The following RNF38 variants were observed in gnomAD, a reference collection of about 807,000 sequenced individuals.
RNF38 encodes the protein ring finger protein 38.
A neutral mutation model predicts 67.2 loss-of-function variants in RNF38; 15 were observed. That is an observed-to-expected ratio of 0.22 (90% CI 0.15 to 0.34). RNF38 has a LOEUF of 0.34. Ranked by LOEUF, RNF38 falls within the 10% of genes least tolerant of loss-of-function variation. The pLI, the probability that RNF38 is intolerant of heterozygous loss-of-function variation, is 1.00. For synonymous variants in RNF38, 220 were observed against 218.8 expected (o/e 1.01, Z -0.05); for missense variants, 524 against 639.9 (o/e 0.82, Z 1.95).
At chr9:36,409,877 A>G (rs1018902196) in intron 2 of RNF38, among the ~76,000 whole-genome samples, 1 of 152,240 alleles carries the variant, frequency 6.6e-6, no homozygotes, top group Admixed American at 6.5e-5. Flanking sequence ...ACAAATCATA[A>G]TATTAAGTAA....
rs181739584 is a variant in RNF38, at chr9:36,439,344, G to A, written n.242-14661C>T. Among the ~76,000 whole-genome samples the A allele has an allele frequency of 6.5e-3, 996 of 152,176 alleles. 6 individuals are homozygous for A. Among genetic ancestry groups the A allele is most frequent in the Non-Finnish European group, 0.01 (714 of 68,004 alleles). On this transcript the variant is annotated intron_variant and non_coding_transcript_variant, in intron 1 of 3. Coordinates refer to the RNF38 transcript ENST00000488058. Reference sequence around the variant, plus strand: ...AGTTTTAATCCTTGTCCTTCTATTCGTTAGCTGTGAAACCTTAGATCTTGA... The same window carrying A: ...AGTTTTAATCCTTGTCCTTCTATTCATTAGCTGTGAAACCTTAGATCTTGA...
chr9:36,458,659 G>A (rs1322295260), intron 1 of RNF38, among the ~76,000 whole-genome samples: 9 of 151,650 alleles, frequency 5.9e-5, no homozygotes, highest in South Asian at 4.2e-4. Context: ...AGGAAGTTCC[G>A]GACACATCTG....
At chr9:36,385,409 G>A (rs981772803) in intron 2 of RNF38, among the ~76,000 whole-genome samples, 6 of 142,612 alleles carry the variant, frequency 4.2e-5, no homozygotes, top group East Asian at 2.1e-4. Flanking sequence ...AGACAGTTTC[G>A]CTCTTGTCAT....
intron 1 of RNF38, among the ~76,000 whole-genome samples, chr9:36,469,843 T>G (rs568665326): frequency 1.3e-5 from 2 of 152,136 alleles, no homozygotes; most frequent in East Asian, 3.9e-4. Flanking sequence ...CCGGGAGTAG[T>G]GGCACCCACC....
At chr9:36,408,428 A>G (rs1389398698) in intron 2 of RNF38, among the ~76,000 whole-genome samples, 1 of 152,178 alleles carries the variant, frequency 6.6e-6, no homozygotes, top group African/African-American at 2.4e-5. Context: ...AGCCCTATGG[A>G]CAGCAGTACG....
intron 2 of RNF38, among the ~76,000 whole-genome samples, chr9:36,406,275 A>G (rs1692026697): frequency 6.6e-6 from 1 of 152,260 alleles, no homozygotes; most frequent in South Asian, 2.1e-4. Flanking sequence ...CAAATGCTGA[A>G]GAACCATTCA....
At chr9:36,434,036 G>A (rs1007087958) in intron 1 of RNF38, among the ~76,000 whole-genome samples, 2 of 151,674 alleles carry the variant, frequency 1.3e-5, no homozygotes, top group Non-Finnish European at 1.5e-5. Flanking sequence ...AGGAGATGGA[G>A]ACCATCCTAG....
At position 36,353,075 on chromosome 9, in the gene RNF38, T is replaced by C; in HGVS notation, c.1071+95A>G. On this transcript the variant is annotated intron_variant, in intron 7 of 11. Transcript: ENST00000259605. ...CCAACTGAATGCTGTCGAGAATACA[T>C]ATAATTCTAAATATGGTGAATTATA... The C allele has an allele frequency of 3.5e-6, 4 of 1,134,912 alleles. 1 individual carries two copies. The South Asian group carries it at 4.0e-5, about 11-fold the overall frequency. The allele number at this position is 1,134,912 out of a possible 1,614,324, so 70.3% of individuals were successfully genotyped here. A position where few individuals can be genotyped will look rare whatever the true frequency, so the allele number is the denominator to read the frequency against.
upstream of RNF38, among the ~76,000 whole-genome samples, chr9:36,403,898 T>C (rs183562827): frequency 2.0e-5 from 3 of 152,362 alleles, no homozygotes; most frequent in Admixed American, 2.0e-4. Context: ...TTTTTCTCTT[T>C]ATTGGATTAT....
At chr9:36,450,232 CA>C (rs1177389233) in intron 1 of RNF38, among the ~76,000 whole-genome samples, 4 of 152,210 alleles carry the variant, frequency 2.6e-5, no homozygotes, top group Admixed American at 2.0e-4. Context: ...ACCCTGTACC[CA>C]GTAAGCAGTA....
intron 1 of RNF38, among the ~76,000 whole-genome samples, chr9:36,468,671 G>A (rs1367841435): frequency 1.3e-5 from 2 of 152,026 alleles, no homozygotes; most frequent in African/African-American, 2.4e-5. Flanking sequence ...AATTAGCCAG[G>A]TGTGGTGGCG....
intron 1 of RNF38, among the ~76,000 whole-genome samples, chr9:36,425,646 C>T (rs1337641505): frequency 6.6e-6 from 1 of 152,020 alleles, no homozygotes; most frequent in East Asian, 1.9e-4. Context: ...AGTGAGCCAA[C>T]CAAGATCATG....
intron 1 of RNF38, among the ~76,000 whole-genome samples, chr9:36,432,565 C>A (rs939602443): frequency 6.6e-6 from 1 of 151,764 alleles, no homozygotes; most frequent in African/African-American, 2.4e-5. Flanking sequence ...CAGAGGCGGG[C>A]GGGCGGATCA....
intron 1 of RNF38, among the ~76,000 whole-genome samples, chr9:36,484,527 C>T (rs906344778): frequency 6.6e-6 from 1 of 152,126 alleles, no homozygotes. Flanking sequence ...ATTACCAAAT[C>T]TTAATTTACG....
At chr9:36,370,379 C>T (rs1022325995) in intron 3 of RNF38, among the ~76,000 whole-genome samples, 1 of 152,010 alleles carries the variant, frequency 6.6e-6, no homozygotes, top group Admixed American at 6.6e-5. Context: ...ATACATAAGA[C>T]ATAGTTCCTA....
intron 1 of RNF38, among the ~76,000 whole-genome samples, chr9:36,459,477 A>G (rs1839673377): frequency 6.6e-6 from 1 of 152,186 alleles, no homozygotes; most frequent in African/African-American, 2.4e-5. Context: ...TCATTTTGGT[A>G]CACTGAGTAT....
At chr9:36,360,034 C>T (rs1353670707) in intron 4 of RNF38, among the ~76,000 whole-genome samples, 1 of 151,978 alleles carries the variant, frequency 6.6e-6, no homozygotes. Context: ...CGTGAGCCAC[C>T]GTGCCTGACC....
chr9:36,369,401 A>T (rs1188063141), intron 4 of RNF38, among the ~76,000 whole-genome samples: 1 of 152,132 alleles, frequency 6.6e-6, no homozygotes, highest in Non-Finnish European at 1.5e-5. Context: ...TCGTACTTTT[A>T]GTAGAGACGG....
chr9:36,356,181 G>C, intron 6 of RNF38, 122 bp downstream of exon 6: 1 of 921,662 alleles, frequency 1.1e-6, no homozygotes, highest in South Asian at 1.6e-5. Flanking sequence ...TTTAAACATA[G>C]TAACTTAGGC....
Sources: allele counts gnomAD v4.1 joint callset (sites outside exome capture counted in the v4.1 genomes callset), GRCh38; gene constraint gnomAD v4.1.1; transcripts MANE v1.5; gene names NCBI Gene and HGNC (gene_info 2026-07-23, HGNC 2026-07-21).